Variants in ENOX1 observed in about 807,000 individuals in gnomAD.
ENOX1 encodes candidate growth-related and time keeping constitutive hydroquinone (NADH) oxidase.
Under a neutral mutation model 82.5 loss-of-function variants are expected in ENOX1, and 42 were observed. That is an observed-to-expected ratio of 0.51 (90% CI 0.40 to 0.66). ENOX1 has a LOEUF of 0.66. ENOX1 is among the 30% of genes least tolerant of loss of function. The pLI is 0.00. For missense variants in ENOX1, 608 were observed against 811.6 expected (o/e 0.75, Z 3.05); for synonymous variants, 271 against 282.2 (o/e 0.96, Z 0.40).
intron 2 of ENOX1, among the ~76,000 whole-genome samples, chr13:43,503,963 G>A (rs1484150333): frequency 1.3e-5 from 2 of 151,656 alleles, no homozygotes; most frequent in African/African-American, 4.8e-5. Context: ...TCTAATAAAG[G>A]GTTAATGTCA....
intron 3 of ENOX1, among the ~76,000 whole-genome samples, chr13:43,424,192 A>G (rs2055151449): frequency 6.6e-6 from 1 of 152,270 alleles, no homozygotes; most frequent in Admixed American, 6.5e-5. Context: ...CACAGAAAGC[A>G]ATTTCTGTAA....
chr13:43,395,828 G>A (rs1228971832), intron 5 of ENOX1, among the ~76,000 whole-genome samples: 1 of 152,180 alleles, frequency 6.6e-6, no homozygotes, highest in Non-Finnish European at 1.5e-5. Flanking sequence ...GCTGCGATGG[G>A]CTCAGGAATA....
chr13:43,214,144 A>C (rs759718402), intron 16 of ENOX1, 23 bp from the exon 17 acceptor site: 6 of 1,609,078 alleles, frequency 3.7e-6, no homozygotes, highest in Non-Finnish European at 4.2e-6. Context: ...AAGGAAAGTC[A>C]CTTTGGGGAA....
chr13:43,484,249 G>T, intron 2 of ENOX1, 97 bp from the exon 3 acceptor site: 2 of 699,126 alleles, frequency 2.9e-6, no homozygotes, highest in Non-Finnish European at 3.5e-6. Context: ...TCAGCATGAT[G>T]TTATTAATTT....
chr13:43,273,341 C>T (rs1000074410), intron 12 of ENOX1, among the ~76,000 whole-genome samples: 1 of 152,154 alleles, frequency 6.6e-6, no homozygotes, highest in South Asian at 2.1e-4. Flanking sequence ...ATTTACCCGA[C>T]ACTCCTGAGA....
intron 1 of ENOX1, among the ~76,000 whole-genome samples, chr13:43,677,237 CAG>C (rs2085552380): frequency 6.6e-6 from 1 of 152,104 alleles, no homozygotes; most frequent in Admixed American, 6.6e-5. Context: ...GGCCTGGGTT[CAG>C]AGAGCCTGCT....
At chr13:43,723,991 A>G (rs1318262652) in intron 1 of ENOX1, among the ~76,000 whole-genome samples, 2 of 152,320 alleles carry the variant, frequency 1.3e-5, no homozygotes, top group East Asian at 3.9e-4. Flanking sequence ...GGTAGTTTTT[A>G]TATTTGAAAC....
chr13:43,247,251 T>G (rs2043129663), intron 14 of ENOX1, among the ~76,000 whole-genome samples: 1 of 150,878 alleles, frequency 6.6e-6, no homozygotes, highest in Non-Finnish European at 1.5e-5. Flanking sequence ...AGGTGGAGGT[T>G]GCAGTGAGCC....
chr13:43,557,313 G>A (rs184308059), intron 2 of ENOX1, among the ~76,000 whole-genome samples: 29 of 152,214 alleles, frequency 1.9e-4, no homozygotes, highest in Admixed American at 2.0e-4. Flanking sequence ...TCCATAAAGC[G>A]GTCTGAGGCT....
intron 3 of ENOX1, among the ~76,000 whole-genome samples, chr13:43,477,859 A>G (rs879278585): frequency 6.6e-6 from 1 of 152,128 alleles, no homozygotes; most frequent in Admixed American, 6.5e-5. Context: ...CAACATTGCA[A>G]TTAATATTAC....
At chr13:43,413,483 A>G (rs2054259641) in intron 3 of ENOX1, among the ~76,000 whole-genome samples, 1 of 152,034 alleles carries the variant, frequency 6.6e-6, no homozygotes, top group Non-Finnish European at 1.5e-5. Flanking sequence ...GAACCCATTC[A>G]CCATGCAGCT....
intron 12 of ENOX1, among the ~76,000 whole-genome samples, chr13:43,290,923 A>T (rs948969029): frequency 3.3e-5 from 5 of 152,192 alleles, no homozygotes; most frequent in African/African-American, 9.7e-5. Context: ...GCTACTCAGG[A>T]GGCTGAGACA....
At chr13:43,540,321 C>A (rs1432286915) in intron 2 of ENOX1, among the ~76,000 whole-genome samples, 2 of 152,082 alleles carry the variant, frequency 1.3e-5, no homozygotes, top group Non-Finnish European at 2.9e-5. Flanking sequence ...GAGATTTGTA[C>A]AAGTGCTTTG....
At chr13:43,274,342 T>A (rs1211081430) in intron 12 of ENOX1, among the ~76,000 whole-genome samples, 3 of 152,232 alleles carry the variant, frequency 2.0e-5, no homozygotes. Context: ...TTCTGCAAAG[T>A]TAATGTGCTC....
intron 1 of ENOX1, among the ~76,000 whole-genome samples, chr13:43,755,925 C>G (rs754306094): frequency 1.3e-5 from 2 of 152,148 alleles, no homozygotes; most frequent in Non-Finnish European, 2.9e-5. Context: ...CCAAGATGAG[C>G]AGAATTAACT....
At chr13:43,571,156 AGAG>A (rs2080160003) in intron 2 of ENOX1, among the ~76,000 whole-genome samples, 1 of 152,314 alleles carries the variant, frequency 6.6e-6, no homozygotes, top group Non-Finnish European at 1.5e-5. Flanking sequence ...CTGCCACAGC[AGAG>A]GAGGATGACG....
chr13:43,345,353 T>C (rs967089939), intron 8 of ENOX1, among the ~76,000 whole-genome samples: 2 of 152,138 alleles, frequency 1.3e-5, no homozygotes, highest in Admixed American at 6.5e-5. Context: ...GGCTGAAAAA[T>C]AGAATATTTC....
At chr13:43,600,025 G>A (rs1355226990) in intron 2 of ENOX1, among the ~76,000 whole-genome samples, 2 of 152,042 alleles carry the variant, frequency 1.3e-5, no homozygotes, top group East Asian at 3.9e-4. Flanking sequence ...GTAGGACCCA[G>A]GCACTACTCA....
intron 2 of ENOX1, among the ~76,000 whole-genome samples, chr13:43,629,856 T>C (rs912244049): frequency 2.0e-5 from 3 of 152,188 alleles, no homozygotes; most frequent in African/African-American, 7.2e-5. Context: ...AGTGAGCTTC[T>C]AGTAGATGCC....
Sources: allele counts gnomAD v4.1 joint callset (sites outside exome capture counted in the v4.1 genomes callset), GRCh38; gene constraint gnomAD v4.1.1; transcripts MANE v1.5; gene names NCBI Gene and HGNC (gene_info 2026-07-23, HGNC 2026-07-21).